The following LTAP1 variants were observed in gnomAD, a reference collection of about 807,000 sequenced individuals.
The protein encoded by LTAP1 is lipid transport auxiliary protein 1, also known as HCV NS5A-transactivated protein 4.
chr1:154,211,085 C>T, the LTAP1 span, among the ~76,000 whole-genome samples: 7 of 151,674 alleles, frequency 4.6e-5, no homozygotes, highest in African/African-American at 1.5e-4. Context: ...CGGCTCATTG[C>T]AACCTCCACC....
At chr1:154,209,032 G>A in the LTAP1 span, among the ~76,000 whole-genome samples, 1 of 152,184 alleles carries the variant, frequency 6.6e-6, no homozygotes, top group Non-Finnish European at 1.5e-5. Context: ...ACAGCCGTGA[G>A]CCACCATGCC....
chr1:154,207,756 C>T, the LTAP1 span: 1 of 899,828 alleles, frequency 1.1e-6, no homozygotes, highest in Admixed American at 2.7e-5. Flanking sequence ...TTATTTGTGT[C>T]CTATCTGTCC....
the LTAP1 span, chr1:154,212,114 C>T: frequency 7.3e-3 from 4,189 of 576,366 alleles, 42 homozygotes; most frequent in Middle Eastern, 0.017. Flanking sequence ...GCCTCGGCCT[C>T]CCAAAGTGCT....
At chr1:154,219,133 T>A in the LTAP1 span, among the ~76,000 whole-genome samples, 1 of 152,068 alleles carries the variant, frequency 6.6e-6, no homozygotes. Flanking sequence ...AGAATGAGAG[T>A]GGCAGTGGGA....
the LTAP1 span, among the ~76,000 whole-genome samples, chr1:154,218,504 C>G: frequency 6.6e-6 from 1 of 152,188 alleles, no homozygotes; most frequent in Non-Finnish European, 1.5e-5. Context: ...CTCCTAGAGC[C>G]TTTTCATGTA....
the LTAP1 span, among the ~76,000 whole-genome samples, chr1:154,217,850 C>G: frequency 6.6e-6 from 1 of 152,070 alleles, no homozygotes; most frequent in Non-Finnish European, 1.5e-5. Flanking sequence ...CAATTTTTTT[C>G]ATTCAGAAGT....
chr1:154,212,044 A>G, the LTAP1 span: 16 of 376,258 alleles, frequency 4.3e-5, no homozygotes, highest in Non-Finnish European at 8.1e-5. Context: ...TTAGTAGAGA[A>G]CGGGGTTTCT....
At chr1:154,212,302 G>A in the LTAP1 span, 5 of 1,613,864 alleles carry the variant, frequency 3.1e-6, no homozygotes, top group Admixed American at 3.3e-5. Context: ...CCTCTGACAC[G>A]TTCCCCTCCA....
chr1:154,207,344 TAC>T, the LTAP1 span: 7 of 995,510 alleles, frequency 7.0e-6, no homozygotes, highest in East Asian at 2.4e-5. Flanking sequence ...CTTGGATGGA[TAC>T]AGTCTGGGCC....
the LTAP1 span, among the ~76,000 whole-genome samples, chr1:154,217,275 G>C: frequency 2.0e-5 from 3 of 152,136 alleles, no homozygotes; most frequent in East Asian, 3.9e-4. Flanking sequence ...CTTTATTGAG[G>C]TTGAATTTAC....
chr1:154,214,646 A>G, the LTAP1 span: 1 of 902,078 alleles, frequency 1.1e-6, no homozygotes, highest in Non-Finnish European at 1.8e-6. Flanking sequence ...AAAATGGGGC[A>G]GAGTTAATGA....
chr1:154,219,169 T>C, the LTAP1 span, among the ~76,000 whole-genome samples: 1 of 152,160 alleles, frequency 6.6e-6, no homozygotes. Flanking sequence ...TTCACAAATG[T>C]TGGGTTTGAG....
chr1:154,211,082 T>C, the LTAP1 span, among the ~76,000 whole-genome samples: 2 of 151,360 alleles, frequency 1.3e-5, no homozygotes, highest in Admixed American at 6.6e-5. Flanking sequence ...TATCGGCTCA[T>C]TGCAACCTCC....
At chr1:154,219,847 T>C in the LTAP1 span, 14 of 1,606,684 alleles carry the variant, frequency 8.7e-6, no homozygotes, top group Non-Finnish European at 9.3e-6. Context: ...TTGGGGGCAT[T>C]GTGTCCCACA....
chr1:154,209,163 A>C, the LTAP1 span, among the ~76,000 whole-genome samples: 29 of 152,128 alleles, frequency 1.9e-4, 1 homozygote, highest in Non-Finnish European at 4.0e-4. Context: ...AGTGTTGTGC[A>C]ACCAACCTCC....
At chr1:154,211,207 G>C in the LTAP1 span, among the ~76,000 whole-genome samples, 1 of 150,338 alleles carries the variant, frequency 6.7e-6, no homozygotes, top group Middle Eastern at 3.4e-3. Context: ...GTTTCACCAT[G>C]TTGGCCAGGC....
chr1:154,212,833 T>C, the LTAP1 span: 1 of 554,702 alleles, frequency 1.8e-6, no homozygotes, highest in Non-Finnish European at 3.2e-6. Flanking sequence ...GGCTTATTTT[T>C]GTATTTTTAG....
At chr1:154,211,470 G>C in the LTAP1 span, among the ~76,000 whole-genome samples, 1 of 149,854 alleles carries the variant, frequency 6.7e-6, no homozygotes, top group Non-Finnish European at 1.5e-5. Flanking sequence ...CCGAGTAGCT[G>C]AGATTACAGG....
the LTAP1 span, chr1:154,220,241 G>A: frequency 2.9e-6 from 4 of 1,396,378 alleles, no homozygotes; most frequent in African/African-American, 1.4e-5. Flanking sequence ...CCGGATAGGC[G>A]CAGGTGAGTG....
Sources: allele counts gnomAD v4.1 joint callset (sites outside exome capture counted in the v4.1 genomes callset), GRCh38; gene constraint gnomAD v4.1.1; transcripts MANE v1.5; gene names NCBI Gene and HGNC (gene_info 2026-07-23, HGNC 2026-07-21).